The following SPTB variants were observed in gnomAD, a reference collection of about 807,000 sequenced individuals.
The protein encoded by SPTB is spectrin beta chain, erythrocytic.
SPTB carries 45 observed loss-of-function variants against 256.2 expected under a neutral mutation model. That is an observed-to-expected ratio of 0.18 (90% CI 0.14 to 0.23). SPTB has a LOEUF of 0.23. Among genes scored for constraint, SPTB ranks in the 10% least tolerant of loss-of-function variants. The pLI is 1.00. For synonymous variants in SPTB, 1,231 were observed against 1,243.1 expected (o/e 0.99, Z 0.21); for missense variants, 2,715 against 3,040.4 (o/e 0.89, Z 2.52).
At position 64,782,365 on chromosome 14, in the gene SPTB, G is replaced by T. The variant is rs1406521155; in HGVS notation, c.4191C>A (p.Ala1397=). ...CGTCTGACCGCAGCTGGTCCTCCAT[G>T]GCGCTGATCCACTTGTTGAGGTCAG... ...THADLNKWIS[A]MEDQLRSDDP... The change falls in exon 20 of 36, where the codon GCC becomes GCA. Residue 1397 remains alanine, a synonymous_variant. Coordinates refer to ENST00000644917, the MANE Select transcript of SPTB (RefSeq NM_001355436.2). 3 of 1,614,186 alleles carry T rather than the reference G, an allele frequency of 1.9e-6. No individual in the cohort carries two copies. The East Asian group carries it at 6.7e-5, about 36-fold the overall frequency.
In SPTB at chr14:64,749,782, G is replaced by C. The variant is rs1245617937; in HGVS notation, c.6777-86C>G. ...GCTGGCTCTGATCCCACAATACCCT[G>C]AGCCGAACATCCAGACCCCTCTCAG... On this transcript the variant is annotated intron_variant, in intron 34 of 35. Coordinates refer to ENST00000644917, the MANE Select transcript of SPTB (RefSeq NM_001355436.2). This position sits in a 1 kb window ranked among gnomAD's most constrained non-coding sequence, Gnocchi z 4.7. The C allele has an allele frequency of 1.9e-5, 29 of 1,553,836 alleles. No individual in the cohort carries two copies. The highest frequency in any genetic ancestry group is 2.3e-5 in the Non-Finnish European group (26 of 1,138,382).
At chr14:64,877,820 A>T (rs1431413258) in intron 1 of SPTB, among the ~76,000 whole-genome samples, 1 of 152,208 alleles carries the variant, frequency 6.6e-6, no homozygotes, top group Non-Finnish European at 1.5e-5. Flanking sequence ...TATTTTGCCA[A>T]ATGTGATCCC....
At chr14:64,782,817 T>TAAA (rs58435859) in intron 19 of SPTB, among the ~76,000 whole-genome samples, 1,270 of 123,058 alleles carry the variant, frequency 0.01, 8 homozygotes, top group South Asian at 0.017. Flanking sequence ...GTTGATGAGT[T>TAAA]AAAAAAAAAA....
rs1478860063 is a variant in SPTB, at chr14:64,852,613, T to C, written c.-52+27179A>G. 6.6e-6 allele frequency among the ~76,000 whole-genome samples: 1 copy of C among 152,134 alleles called. No individual in the cohort carries two copies. Among genetic ancestry groups the C allele is most frequent in the South Asian group, 2.1e-4 (1 of 4,830 alleles). On this transcript the variant is annotated intron_variant, in intron 1 of 35. Transcript: ENST00000644917. The surrounding 1 kb of genome is among the most constrained non-coding windows in gnomAD (Gnocchi z 4.2). ...CCAAGATGGTGGGGAGCAATCAGCT[T>C]ACAAAACTATGTAGGATACTGGTAG... is the stretch of plus-strand genomic sequence containing the variant.
intron 26 of SPTB, among the ~76,000 whole-genome samples, chr14:64,771,489 C>T (rs1488932458): frequency 6.6e-6 from 1 of 152,192 alleles, no homozygotes; most frequent in Non-Finnish European, 1.5e-5. Context: ...GGTACTATTA[C>T]TATTGCTGTT....
chr14:64,856,768 G>A (rs1473239211), intron 1 of SPTB, among the ~76,000 whole-genome samples: 1 of 152,246 alleles, frequency 6.6e-6, no homozygotes, highest in African/African-American at 2.4e-5. Flanking sequence ...TCAAGAATTT[G>A]TTTCTTGTTT....
rs1246461128 is a variant in SPTB, at chr14:64,803,600, A to T, written c.474+7T>A. On this transcript the variant is annotated splice_region_variant and intron_variant, in intron 4 of 35. Coordinates refer to ENST00000644917, the MANE Select transcript of SPTB (RefSeq NM_001355436.2). ...CCCTCGACTTCCTCTACCCCCCAGG[A>T]ACCCACCTGGAAGCGGAGGATGATG... The T allele has an allele frequency of 4.8e-5, 78 of 1,613,974 alleles. No individual in the cohort carries two copies. Among genetic ancestry groups the T allele is most frequent in the Non-Finnish European group, 6.6e-5 (78 of 1,180,048 alleles).
chr14:64,853,262 T>C lies in SPTB; in HGVS notation c.-52+26530A>G, dbSNP rs1395173798. On this transcript the variant is annotated intron_variant, in intron 1 of 35. Transcript: ENST00000644917. The surrounding 1 kb of genome is among the most constrained non-coding windows in gnomAD (Gnocchi z 4.3). ...GAAATTTAGAGTCATTATCAGTAAA[T>C]AGGTGGTAGCAGGAACACCAAAAGG... Among the ~76,000 whole-genome samples, 2 of 152,060 alleles carry C rather than the reference T, an allele frequency of 1.3e-5. No individual in the cohort carries two copies. The highest frequency in any genetic ancestry group is 1.5e-5 in the Non-Finnish European group (1 of 68,018).
At chr14:64,818,350 C>T (rs371291555) in intron 2 of SPTB, among the ~76,000 whole-genome samples, 2 of 152,028 alleles carry the variant, frequency 1.3e-5, no homozygotes, top group Non-Finnish European at 2.9e-5. Flanking sequence ...ACGCAGCGGG[C>T]GGCACATGGG....
In SPTB at chr14:64,749,892, G is replaced by A; in HGVS notation, c.6776+89C>T. On this transcript the variant is annotated intron_variant, in intron 34 of 35. Coordinates refer to ENST00000644917, the MANE Select transcript of SPTB (RefSeq NM_001355436.2). The surrounding 1 kb of genome is among the most constrained non-coding windows in gnomAD (Gnocchi z 4.7). Reference sequence around the variant, plus strand: ...ACCCCTGAGGAGCAGCTCAGGCCTGGCACTGGTCCCCTACAGAGGGCCTCT... The same window carrying A: ...ACCCCTGAGGAGCAGCTCAGGCCTGACACTGGTCCCCTACAGAGGGCCTCT... The A allele has an allele frequency of 6.4e-7, 1 of 1,567,044 alleles. No individual in the cohort carries two copies. The highest frequency in any genetic ancestry group is 1.7e-5 in the Admixed American group (1 of 59,784).
intron 2 of SPTB, among the ~76,000 whole-genome samples, chr14:64,815,314 T>C (rs960485313): frequency 1.3e-5 from 2 of 152,008 alleles, no homozygotes; most frequent in Non-Finnish European, 2.9e-5. Context: ...AAGGAGCATG[T>C]GAGGTAAGAA....
intron 10 of SPTB, among the ~76,000 whole-genome samples, chr14:64,797,120 A>G (rs1311458790): frequency 6.6e-6 from 1 of 152,182 alleles, no homozygotes; most frequent in East Asian, 1.9e-4. Flanking sequence ...TTAATATTCC[A>G]TCTTCAAAGA....
chr14:64,753,647 A>G lies in SPTB; in HGVS notation c.6492T>C (p.Asp2164=). The G allele has an allele frequency of 1.9e-6, 3 of 1,613,642 alleles. No homozygotes were observed. Among genetic ancestry groups the G allele is most frequent in the Non-Finnish European group, 2.5e-6 (3 of 1,180,008 alleles). ...GCGGGGCCGGCAGCGTTGCGGGCTC[A>G]TCACCCTCGCTCAGAGGCGTATCTA... The part of the protein sequence containing the change: ...KVLDTPLSEG[D]EPATLPAPRD... The change falls in exon 33 of 36, where the codon GAT becomes GAC. Residue 2164 remains aspartate, a synonymous_variant. Coordinates refer to ENST00000644917, the MANE Select transcript of SPTB (RefSeq NM_001355436.2).
In SPTB at chr14:64,841,454, T is replaced by A. The variant is rs1423268438; in HGVS notation, c.-51-18309A>T. 6.6e-6 allele frequency among the ~76,000 whole-genome samples: 1 copy of A among 152,116 alleles called. No homozygotes were observed. The highest frequency in any genetic ancestry group is 1.5e-5 in the Non-Finnish European group (1 of 68,022). ...AGCTCAACACCAGGCAACAAGAGCA[T>A]CAAGAAAGGCAACAGGAAAGAAAGA... On this transcript the variant is annotated intron_variant, in intron 1 of 35. Coordinates refer to ENST00000644917, the MANE Select transcript of SPTB (RefSeq NM_001355436.2). This position sits in a 1 kb window ranked among gnomAD's most constrained non-coding sequence, Gnocchi z 4.6.
chr14:64,799,962 C>T (rs768645254), intron 8 of SPTB, 28 bp from the exon 9 acceptor site: 39 of 1,612,622 alleles, frequency 2.4e-5, no homozygotes, highest in Non-Finnish European at 3.1e-5. Context: ...TACTTATTCT[C>T]ATCAGAAGGG....
chr14:64,800,079 G>T lies in SPTB; in HGVS notation c.877-145C>A, dbSNP rs554939752. On this transcript the variant is annotated intron_variant, in intron 8 of 35. Coordinates refer to ENST00000644917, the MANE Select transcript of SPTB (RefSeq NM_001355436.2). ...GCTCTAGGCTGGGTTTGTTCCCTGA[G>T]CCCAAGTGTGCTGGTAGGGCAGAAG... The T allele has an allele frequency of 1.6e-4, 157 of 963,804 alleles. 1 individual carries two copies. The South Asian group carries it at 2.0e-3, about 12-fold the overall frequency. 59.7% of individuals were successfully genotyped at this position (963,804 alleles called of 1,614,324 possible).
intron 14 of SPTB, 89 bp from the exon 15 acceptor site, chr14:64,791,945 G>A (rs1289330891): frequency 6.4e-7 from 1 of 1,558,692 alleles, no homozygotes; most frequent in Non-Finnish European, 8.7e-7. Context: ...AGAACATGTA[G>A]CTCTTGCTTT....
intron 18 of SPTB, 96 bp from the exon 19 acceptor site, chr14:64,784,489 T>G: frequency 6.6e-7 from 1 of 1,518,338 alleles, no homozygotes; most frequent in African/African-American, 1.4e-5. Context: ...GAGAAGGCCA[T>G]GGGGAGGAAG....
At chr14:64,851,576 G>C (rs1415928736) in intron 1 of SPTB, among the ~76,000 whole-genome samples, 2 of 152,110 alleles carry the variant, frequency 1.3e-5, no homozygotes, top group Admixed American at 6.6e-5. Context: ...CCCTTAAAAG[G>C]CATGTTGTGT....
Sources: gnomAD v4.1 joint callset for allele counts (sites outside exome capture counted in the v4.1 genomes callset) on GRCh38, gnomAD v4.1.1 for gene constraint, Gnocchi (gnomAD v3.1) non-coding constraint, MANE v1.5 for transcripts, NCBI Gene and HGNC (gene_info 2026-07-23, HGNC 2026-07-21) for gene names.